UBR1: variants seen among roughly 807,000 people sequenced by gnomAD.
UBR1 encodes ubiquitin protein ligase E3 component n-recognin 1, also known as E3 ubiquitin-protein ligase UBR1.
Under a neutral mutation model 242.1 loss-of-function variants are expected in UBR1, and 102 were observed. The observed-to-expected ratio is 0.42, with a 90% CI of 0.36 to 0.50. The LOEUF is 0.50. Among genes scored for constraint, UBR1 ranks in the 20% least tolerant of loss-of-function variants. UBR1 has a pLI of 0.01. For synonymous variants in UBR1, 675 were observed against 684.8 expected (o/e 0.99, Z 0.22); for missense variants, 1,772 against 2,101.8 (o/e 0.84, Z 3.07).
At chr15:42,972,778 T>C (rs1240565093) in intron 39 of UBR1, among the ~76,000 whole-genome samples, 1 of 152,254 alleles carries the variant, frequency 6.6e-6, no homozygotes, top group Non-Finnish European at 1.5e-5. Context: ...TTCCAAGTTT[T>C]GGCAATTATG....
intron 6 of UBR1, among the ~76,000 whole-genome samples, chr15:43,063,237 A>G (rs1014558498): frequency 6.6e-6 from 1 of 152,136 alleles, no homozygotes; most frequent in African/African-American, 2.4e-5. Context: ...TATAGAGGAG[A>G]GCAGTAACAG....
At chr15:42,951,309 A>C (rs957501395) in intron 45 of UBR1, among the ~76,000 whole-genome samples, 3 of 151,564 alleles carry the variant, frequency 2.0e-5, no homozygotes, top group African/African-American at 7.3e-5. Context: ...TGCAACCTCC[A>C]CCTCCCAGGT....
At chr15:43,029,016 C>T (rs1168795370) in intron 21 of UBR1, among the ~76,000 whole-genome samples, 1 of 152,106 alleles carries the variant, frequency 6.6e-6, no homozygotes, top group East Asian at 1.9e-4. Context: ...ACCCGGGAGA[C>T]GGAGGTTGCA....
chr15:43,025,066 G>T, intron 24 of UBR1, 83 bp from the exon 25 acceptor site: 1 of 1,537,462 alleles, frequency 6.5e-7, no homozygotes, highest in Non-Finnish European at 8.9e-7. Flanking sequence ...AAGTGCAAAT[G>T]TCAAAAAATA....
intron 12 of UBR1, among the ~76,000 whole-genome samples, chr15:43,051,914 G>C (rs1321624586): frequency 6.6e-6 from 1 of 152,160 alleles, no homozygotes; most frequent in Non-Finnish European, 1.5e-5. Flanking sequence ...AAAGGAATAG[G>C]TTAGAGTAAT....
intron 1 of UBR1, among the ~76,000 whole-genome samples, chr15:43,093,573 A>T (rs1241677193): frequency 3.3e-5 from 5 of 152,188 alleles, no homozygotes; most frequent in African/African-American, 1.2e-4. Context: ...TGGAGCCCAG[A>T]AGTTCAAGAC....
chr15:42,970,647 A>C (rs2032189242), intron 39 of UBR1, 40 bp from the exon 40 acceptor site: 1 of 1,553,742 alleles, frequency 6.4e-7, no homozygotes, highest in Non-Finnish European at 8.9e-7. Context: ...TGTATTTGCT[A>C]TTCAGTTTAC....
intron 12 of UBR1, among the ~76,000 whole-genome samples, chr15:43,053,896 T>C (rs2033585054): frequency 6.6e-6 from 1 of 151,762 alleles, no homozygotes; most frequent in African/African-American, 2.4e-5. Context: ...GCGCAATCTT[T>C]GCTCACTACA....
intron 40 of UBR1, among the ~76,000 whole-genome samples, chr15:42,967,485 C>G (rs910983363): frequency 4.6e-5 from 7 of 150,818 alleles, no homozygotes; most frequent in African/African-American, 1.7e-4. Flanking sequence ...AATAACTAAC[C>G]AAAGCAACTT....
At chr15:43,042,010 TG>T (rs1205370803) in intron 15 of UBR1, among the ~76,000 whole-genome samples, 3 of 151,918 alleles carry the variant, frequency 2.0e-5, no homozygotes, top group East Asian at 1.9e-4. Flanking sequence ...GGTTATTATC[TG>T]GGGGGGAAAA....
chr15:43,090,044 T>C (rs2034089268), intron 1 of UBR1, among the ~76,000 whole-genome samples: 1 of 152,206 alleles, frequency 6.6e-6, no homozygotes. Flanking sequence ...ATAATTATAC[T>C]ATGGTTATGC....
At chr15:42,993,929 C>G (rs1182781223) in intron 33 of UBR1, among the ~76,000 whole-genome samples, 3 of 151,964 alleles carry the variant, frequency 2.0e-5, no homozygotes, top group Admixed American at 6.6e-5. Flanking sequence ...TAGAATAAAC[C>G]CAATCTGAGC....
Position 42,973,827 on chromosome 15 carries a change from T to C in UBR1, c.4369+2890A>G, listed in dbSNP as rs2032244303. Among the ~76,000 whole-genome samples, 3 of 151,906 alleles carry C rather than the reference T, an allele frequency of 2.0e-5. No individual in the cohort carries two copies. The South Asian group carries it at 6.2e-4, about 31-fold the overall frequency. ...CACAGATTATGCCTTTGGTTTTGTA[T>C]CTAAAAAGTCATCTCCATACCTAAG... On this transcript the variant is annotated intron_variant, in intron 39 of 46. Transcript: ENST00000290650.
chr15:43,007,083 T>C lies in UBR1; in HGVS notation c.3411A>G (p.Ser1137=), dbSNP rs185306673. 19 of 1,613,824 alleles carry C rather than the reference T, an allele frequency of 1.2e-5. No homozygotes were observed. The Admixed American group carries it at 2.8e-4, about 24-fold the overall frequency. ...TQHRGKPIEL[S]GEALDPLFMD... ...TATTTATTAAATAATACATACCTCC[T>C]GAGAGTTCTATGGGTTTTCCCCTGT... The change falls in exon 30 of 47, where the codon TCA becomes TCG. Residue 1137 remains serine (S), a synonymous_variant. Coordinates refer to ENST00000290650, the MANE Select transcript of UBR1 (RefSeq NM_174916.3).
chr15:42,987,645 C>T (rs935548239), intron 35 of UBR1, among the ~76,000 whole-genome samples: 98 of 124,648 alleles, frequency 7.9e-4, no homozygotes, highest in African/African-American at 2.8e-3. Flanking sequence ...ATCTGGGAGG[C>T]GGAGGTTGTG....
At chr15:43,046,705 A>T (rs1347043845) in intron 14 of UBR1, among the ~76,000 whole-genome samples, 3 of 152,164 alleles carry the variant, frequency 2.0e-5, no homozygotes, top group African/African-American at 7.2e-5. Context: ...TCTTAAAGGG[A>T]ATCTAGGGTG....
At chr15:42,960,988 G>C (rs1286660532) in intron 42 of UBR1, among the ~76,000 whole-genome samples, 1 of 151,996 alleles carries the variant, frequency 6.6e-6, no homozygotes, top group East Asian at 1.9e-4. Context: ...TCAAACCCCT[G>C]ACCTCAAGTG....
chr15:43,016,602 A>C lies in UBR1; in HGVS notation c.3027+493T>G, dbSNP rs2033027383. Among the ~76,000 whole-genome samples, 3 of 152,182 alleles carry C rather than the reference A, an allele frequency of 2.0e-5. No individual in the cohort carries two copies. The East Asian group carries it at 5.8e-4, about 29-fold the overall frequency. On this transcript the variant is annotated intron_variant, in intron 28 of 46. Transcript: ENST00000290650. The stretch of plus-strand genomic sequence containing the variant: ...TTTTGGTTTTTTGTTTTTGGGATGG[A>C]ATCTTGCTCTGTCACCCTGGCTGGA...
At chr15:42,951,709 C>A (rs967572701) in intron 45 of UBR1, among the ~76,000 whole-genome samples, 2 of 152,038 alleles carry the variant, frequency 1.3e-5, no homozygotes, top group Non-Finnish European at 2.9e-5. Flanking sequence ...GCCTTGAACT[C>A]CCAGGCTCAA....
Sources: gnomAD v4.1 joint callset for allele counts (sites outside exome capture counted in the v4.1 genomes callset) on GRCh38, gnomAD v4.1.1 for gene constraint, MANE v1.5 for transcripts, NCBI Gene and HGNC (gene_info 2026-07-23, HGNC 2026-07-21) for gene names.